The following GLB1L3 variants were observed in gnomAD, a reference collection of about 807,000 sequenced individuals.
The protein encoded by GLB1L3 is beta-galactosidase-1-like protein 3.
GLB1L3 carries 89 observed loss-of-function variants against 89.5 expected under a neutral mutation model. That is an observed-to-expected ratio of 0.99 (90% confidence interval 0.84 to 1.19). The LOEUF (loss-of-function observed/expected upper bound fraction) is 1.19. Among genes scored for constraint, GLB1L3 ranks in the 50% most tolerant of loss-of-function variants. The pLI, the probability that GLB1L3 is intolerant of heterozygous loss-of-function variation, is 0.00. For missense variants in GLB1L3, 812 were observed against 813.3 expected (o/e 1.00, Z 0.02); for synonymous variants, 314 against 312.3 (o/e 1.01, Z -0.06).
intron 18 of GLB1L3, among the ~76,000 whole-genome samples, chr11:134,317,508 AG>A (rs1943035477): frequency 6.6e-6 from 1 of 152,144 alleles, no homozygotes. Context: ...TGGATATTTT[AG>A]GGTTATCTTT....
chr11:134,304,828 TTCC>T (rs1263826159), intron 9 of GLB1L3, among the ~76,000 whole-genome samples: 2 of 152,160 alleles, frequency 1.3e-5, no homozygotes, highest in East Asian at 1.9e-4. Context: ...GTTTTTGGTG[TTCC>T]TCCTCTAATT....
intron 6 of GLB1L3, among the ~76,000 whole-genome samples, chr11:134,287,846 A>G: frequency 6.6e-6 from 1 of 152,330 alleles, no homozygotes; most frequent in South Asian, 2.1e-4. Flanking sequence ...CCTGCAAAGG[A>G]AAAGCTGACA....
chr11:134,292,721 A>G, intron 8 of GLB1L3: 1 of 291,258 alleles, frequency 3.4e-6, no homozygotes, highest in Non-Finnish European at 6.5e-6. Flanking sequence ...AGATGGCAAT[A>G]GTGAGGGACA....
At chr11:134,312,746 G>C in intron 14 of GLB1L3, 70 bp from the exon 15 acceptor site, 1 of 1,330,930 alleles carries the variant, frequency 7.5e-7, no homozygotes, top group Non-Finnish European at 1.1e-6. Flanking sequence ...TCCTTCTCCC[G>C]AAACCGCGGC....
chr11:134,314,464 C>G (rs952258881), intron 18 of GLB1L3, 23 bp downstream of exon 18: 2 of 1,437,902 alleles, frequency 1.4e-6, no homozygotes, highest in Admixed American at 2.0e-5. Context: ...CTCTGCTGCC[C>G]TGGTGTTCCA....
At position 134,317,444 on chromosome 11, in the gene GLB1L3, T is replaced by G. The variant is rs140261562; in HGVS notation, c.1780-1187T>G. ...AATATTTTCCAACTTCCTTTGTCAT[T>G]ACTTGTTAGATTTATGGTTTATTTA... On this transcript the variant is annotated intron_variant, in intron 18 of 19. Coordinates refer to ENST00000431683, the MANE Select transcript of GLB1L3 (RefSeq NM_001080407.3). Among the ~76,000 whole-genome samples, 769 of 152,332 alleles carry G rather than the reference T, an allele frequency of 5.0e-3. 6 individuals carry two copies. Among genetic ancestry groups the G allele is most frequent in the Non-Finnish European group, 7.9e-3 (538 of 68,032 alleles).
chr11:134,276,781 C>T lies in GLB1L3; in HGVS notation c.23+18C>T. The T allele has an allele frequency of 7.0e-7, 1 of 1,422,256 alleles. No homozygotes were observed. 88.1% of individuals were successfully genotyped at this position (1,422,256 alleles called of 1,614,324 possible). On this transcript the variant is annotated intron_variant, in intron 1 of 19. Coordinates refer to ENST00000431683, the MANE Select transcript of GLB1L3 (RefSeq NM_001080407.3). ...CTCCTCAGGTGACGGATCGCCGCTG[C>T]CGTCCCGGGCTGCCCACCACCCCGG...
At chr11:134,308,555 A>AC (rs1942511132) in intron 10 of GLB1L3, among the ~76,000 whole-genome samples, 1 of 15,932 alleles carries the variant, frequency 6.3e-5, no homozygotes, top group African/African-American at 2.2e-4. Context: ...CACCATCACC[A>AC]TCACCACCAC....
rs1298046913 is a variant in GLB1L3 at position 134,276,723 on chromosome 11, C to T, written c.-18C>T. On this transcript the variant is annotated 5_prime_UTR_variant, in exon 1 of 20. Transcript: ENST00000431683. ...GGCGGAAGCCGCAAGGGACCCTCGG[C>T]GCCTCGGCCTGGCCGCGATGAAGTC... 21 of 1,445,714 alleles carry T rather than the reference C, an allele frequency of 1.5e-5. No individual in the cohort carries two copies. Among genetic ancestry groups the T allele is most frequent in the Non-Finnish European group, 1.8e-5 (20 of 1,100,790 alleles). 89.6% of individuals were successfully genotyped at this position (1,445,714 alleles called of 1,614,324 possible).
chr11:134,311,231 T>A (rs923203687), intron 13 of GLB1L3, 61 bp downstream of exon 13: 2 of 1,209,072 alleles, frequency 1.7e-6, no homozygotes, highest in Non-Finnish European at 1.2e-6. Flanking sequence ...GAGGGATTCC[T>A]TCAGGAAACT....
rs201012747 is a variant in GLB1L3, at chr11:134,308,357, T to C, written c.961+1149T>C. Among the ~76,000 whole-genome samples the C allele has an allele frequency of 9.1e-3, 110 of 12,154 alleles. 2 individuals are homozygous for C. The highest frequency in any genetic ancestry group is 0.026 in the Middle Eastern group (1 of 38). 8.0% of individuals were successfully genotyped at this position (12,154 alleles called of 152,430 possible). A position where few individuals can be genotyped will look rare whatever the true frequency, so the allele number is the denominator to read the frequency against. ...CCATCACCATCATCACCATCACCAC[T>C]ACCACCACCACCACCACCACCATCA... On this transcript the variant is annotated intron_variant, in intron 10 of 19. Coordinates refer to ENST00000431683, the MANE Select transcript of GLB1L3 (RefSeq NM_001080407.3).
At position 134,293,208 on chromosome 11, in the gene GLB1L3, A is replaced by G; in HGVS notation, c.875A>G (p.Gln292Arg). ...QDTFNQLHKV[Q>R]RDKPLLIMEY... ...ACTTTCAATCAGCTTCATAAAGTCC[A>G]GGTAAGACATTTCAGACAGGCAGGG... Residue 292 changes from glutamine to arginine, a missense_variant and splice_region_variant, in exon 9 of 20, where the codon CAG becomes CGG. Physicochemically the swap from Gln to Arg is conservative, Grantham distance 43. Coordinates refer to ENST00000431683, the MANE Select transcript of GLB1L3 (RefSeq NM_001080407.3). The G allele has an allele frequency of 1.2e-6, 2 of 1,613,206 alleles. No individual in the cohort carries two copies. Among genetic ancestry groups the G allele is most frequent in the East Asian group, 2.2e-5 (1 of 44,864 alleles).
chr11:134,318,497 C>A, intron 18 of GLB1L3, 134 bp from the exon 19 acceptor site: 1 of 627,282 alleles, frequency 1.6e-6, no homozygotes, highest in Non-Finnish European at 2.9e-6. Context: ...AGTTCTATAA[C>A]ATATCCCACT....
rs1247864555 is a variant in GLB1L3, at chr11:134,309,611, T to C, written c.962-15T>C. Reference sequence around the variant, plus strand: ...ATTTCTAACATTCTCTGTGTTCTCATGTTCCCCTTTGCAGAGGTTGAACAT... The same window carrying C: ...ATTTCTAACATTCTCTGTGTTCTCACGTTCCCCTTTGCAGAGGTTGAACAT... On this transcript the variant is annotated splice_polypyrimidine_tract_variant and intron_variant, in intron 10 of 19. Coordinates refer to ENST00000431683, the MANE Select transcript of GLB1L3 (RefSeq NM_001080407.3). 1 of 1,572,250 alleles carries C rather than the reference T, an allele frequency of 6.4e-7. No individual in the cohort carries two copies. Among genetic ancestry groups the C allele is most frequent in the Non-Finnish European group, 8.7e-7 (1 of 1,153,256 alleles).
At chr11:134,309,834 G>A in intron 11 of GLB1L3, 71 bp downstream of exon 11, 2 of 1,537,916 alleles carry the variant, frequency 1.3e-6, no homozygotes, top group Non-Finnish European at 1.8e-6. Context: ...GGCTCCGGAA[G>A]CCTGTTCTGG....
chr11:134,323,995 T>C (rs1454372840), downstream of GLB1L3, among the ~76,000 whole-genome samples: 1 of 152,244 alleles, frequency 6.6e-6, no homozygotes, highest in Non-Finnish European at 1.5e-5. Flanking sequence ...AATGAAGCAA[T>C]TACACATCTG....
intron 7 of GLB1L3, among the ~76,000 whole-genome samples, chr11:134,291,535 C>T (rs1231483559): frequency 6.6e-6 from 1 of 152,164 alleles, no homozygotes; most frequent in Non-Finnish European, 1.5e-5. Flanking sequence ...CCATGCCTGG[C>T]CTCTCCCATG....
At chr11:134,286,885 G>A (rs920526885) in intron 6 of GLB1L3, among the ~76,000 whole-genome samples, 1 of 151,850 alleles carries the variant, frequency 6.6e-6, no homozygotes, top group African/African-American at 2.4e-5. Context: ...TCCAGGCTGG[G>A]AGCTGTGGCT....
At chr11:134,308,446 TCACCAC>T (rs1164537686) in intron 10 of GLB1L3, among the ~76,000 whole-genome samples, 39 of 16,854 alleles carry the variant, frequency 2.3e-3, no homozygotes, top group African/African-American at 0.012. Flanking sequence ...ACCACCACCA[TCACCAC>T]CACCACCACC....
Sources: gnomAD v4.1 joint callset for allele counts (sites outside exome capture counted in the v4.1 genomes callset) on GRCh38, gnomAD v4.1.1 for gene constraint, MANE v1.5 for transcripts, NCBI Gene and HGNC (gene_info 2026-07-23, HGNC 2026-07-21) for gene names.